The following UBR2 variants were observed in gnomAD, a reference collection of about 807,000 sequenced individuals.
UBR2 encodes ubiquitin protein ligase E3 component n-recognin 2, also known as E3 ubiquitin-protein ligase UBR2.
A neutral mutation model predicts 247.9 loss-of-function variants in UBR2; 92 were observed. The ratio of observed to expected loss-of-function variants is 0.37; its 90% CI spans 0.31 to 0.44. The LOEUF is 0.44. UBR2 is among the 20% of genes least tolerant of loss of function. The probability of loss-of-function intolerance (pLI) is 1.00; values close to 1 mark genes in which losing one functional copy is unlikely to be tolerated. For synonymous variants in UBR2, 672 were observed against 693.5 expected, an observed-to-expected ratio of 0.97 and a Z score of 0.49; for missense variants, 1,613 against 2,112.6, an observed-to-expected ratio of 0.76 and a Z score of 4.64.
At chr6:42,628,829 A>G (rs945838914) in intron 11 of UBR2, among the ~76,000 whole-genome samples, 1 of 151,908 alleles carries the variant, frequency 6.6e-6, no homozygotes, top group Non-Finnish European at 1.5e-5. Context: ...CCTGTATGCT[A>G]TGGCATGTTT....
chr6:42,656,122 T>C (rs916276338), intron 26 of UBR2, among the ~76,000 whole-genome samples: 4 of 152,210 alleles, frequency 2.6e-5, no homozygotes, highest in Admixed American at 1.3e-4. Context: ...AACATTCATA[T>C]ACCTGCTCCC....
At chr6:42,641,910 A>C (rs1562347509) in intron 17 of UBR2, among the ~76,000 whole-genome samples, 1 of 152,242 alleles carries the variant, frequency 6.6e-6, no homozygotes, top group Non-Finnish European at 1.5e-5. Flanking sequence ...CATGACTTTT[A>C]CTTGAAATAA....
intron 2 of UBR2, among the ~76,000 whole-genome samples, chr6:42,581,523 C>T (rs1281551587): frequency 6.6e-6 from 1 of 152,160 alleles, no homozygotes; most frequent in East Asian, 1.9e-4. Flanking sequence ...GACAAGGTCT[C>T]ACTTTGCTGC....
At chr6:42,643,039 A>G (rs1323524106) in intron 18 of UBR2, among the ~76,000 whole-genome samples, 1 of 151,972 alleles carries the variant, frequency 6.6e-6, no homozygotes, top group South Asian at 2.1e-4. Context: ...TTACTTTAGC[A>G]TTACTTCCTC....
In UBR2 at chr6:42,658,823, A is replaced by AG; in HGVS notation, c.3242+1dup. 7.0e-7 allele frequency: 1 copy of AG among 1,420,176 alleles called. No individual in the cohort carries two copies. The highest frequency in any genetic ancestry group is 9.2e-7 in the Non-Finnish European group (1 of 1,090,106). 88.0% of individuals were successfully genotyped at this position (1,420,176 alleles called of 1,614,324 possible). ...CTCAACCTCTGCTGTTCTTGATCAT[A>AG]GGTAAAAAAAAAAAAAAAAAAAATT... On this transcript the variant is annotated frameshift_variant and splice_region_variant, in exon 29 of 47. Coordinates refer to ENST00000372901, the MANE Select transcript of UBR2 (RefSeq NM_001363705.2). LOFTEE classifies it high-confidence loss of function.
At chr6:42,658,900 G>A (rs1398320599) in intron 29 of UBR2, 76 bp downstream of exon 29, 2 of 1,390,822 alleles carry the variant, frequency 1.4e-6, no homozygotes, top group Non-Finnish European at 1.9e-6. Context: ...TTTTCTCCTT[G>A]TAAGTATACT....
chr6:42,605,593 A>G (rs1042719414), intron 5 of UBR2, 128 bp from the exon 6 acceptor site: 21 of 734,334 alleles, frequency 2.9e-5, no homozygotes, highest in Admixed American at 3.3e-5. Context: ...AGGACCACAG[A>G]TGAATTCTTT....
chr6:42,587,226 T>A (rs1279158226), intron 2 of UBR2, among the ~76,000 whole-genome samples: 1 of 152,224 alleles, frequency 6.6e-6, no homozygotes, highest in African/African-American at 2.4e-5. Context: ...AGCATTAATA[T>A]TAACCCACAT....
chr6:42,574,476 A>C (rs1582424612), intron 2 of UBR2, among the ~76,000 whole-genome samples: 1 of 151,824 alleles, frequency 6.6e-6, no homozygotes, highest in Non-Finnish European at 1.5e-5. Context: ...TTCTTTAAAG[A>C]TTTTTCTTTC....
At chr6:42,630,185 C>CT (rs771762360) in intron 11 of UBR2, among the ~76,000 whole-genome samples, 624 of 137,926 alleles carry the variant, frequency 4.5e-3, no homozygotes, top group African/African-American at 0.014. Flanking sequence ...TTATTATTTA[C>CT]TTTTTTTTTT....
In UBR2 at chr6:42,678,538, G is replaced by A; in HGVS notation, c.4479-1G>A. On this transcript the variant is annotated splice_acceptor_variant, in intron 40 of 46. Coordinates refer to ENST00000372901, the MANE Select transcript of UBR2 (RefSeq NM_001363705.2). LOFTEE classifies it high-confidence loss of function. Reference sequence around the variant, plus strand: ...CCAATAATCTTTTTTTTCTTTTTTAGTGCCTTGAAAGAAATACCATCCGGC... The same window carrying A: ...CCAATAATCTTTTTTTTCTTTTTTAATGCCTTGAAAGAAATACCATCCGGC... 6.3e-7 allele frequency: 1 copy of A among 1,596,242 alleles called. No individual in the cohort carries two copies. Among genetic ancestry groups the A allele is most frequent in the Non-Finnish European group, 8.5e-7 (1 of 1,174,916 alleles).
Position 42,692,525 on chromosome 6 carries a change from C to T in UBR2, c.*1352C>T, listed in dbSNP as rs1026472263. ...AATACATGCAGAGAGTGACTGAAGACTTAGTAGAGGAATAAATTCTGAGCC... is the reference window on the plus strand; with the variant it reads ...AATACATGCAGAGAGTGACTGAAGATTTAGTAGAGGAATAAATTCTGAGCC... On this transcript the variant is annotated 3_prime_UTR_variant, in exon 47 of 47. Coordinates refer to ENST00000372901, the MANE Select transcript of UBR2 (RefSeq NM_001363705.2). 3.3e-5 allele frequency: 5 copies of T among 152,156 alleles called. 1 individual carries two copies. The highest frequency in any genetic ancestry group is 3.3e-4 in the Admixed American group (5 of 15,272). 9.4% of individuals were successfully genotyped at this position (152,156 alleles called of 1,614,324 possible).
At chr6:42,685,495 C>T (rs1799330098) in intron 44 of UBR2, among the ~76,000 whole-genome samples, 1 of 147,706 alleles carries the variant, frequency 6.8e-6, no homozygotes, top group African/African-American at 2.5e-5. Flanking sequence ...AGACGAGTCT[C>T]GCTCTGTTGC....
At chr6:42,690,319 G>A (rs1466650849) in intron 46 of UBR2, among the ~76,000 whole-genome samples, 1 of 152,218 alleles carries the variant, frequency 6.6e-6, no homozygotes, top group Non-Finnish European at 1.5e-5. Flanking sequence ...TGCCCCAGGC[G>A]CTGGACTGCG....
chr6:42,670,244 A>G lies in UBR2; in HGVS notation c.4030+4A>G. 1 of 1,612,622 alleles carries G rather than the reference A, an allele frequency of 6.2e-7. No homozygotes were observed. Among genetic ancestry groups the G allele is most frequent in the Non-Finnish European group, 8.5e-7 (1 of 1,178,824 alleles). On this transcript the variant is annotated splice_donor_region_variant and intron_variant, in intron 35 of 46. Coordinates refer to ENST00000372901, the MANE Select transcript of UBR2 (RefSeq NM_001363705.2). ...GCGTACACCATCCAAAGCATAGGTA[A>G]GAGATTTACAGCTGTTTCTCTATAA...
chr6:42,569,023 G>C (rs1418004651), intron 1 of UBR2, among the ~76,000 whole-genome samples: 1 of 152,182 alleles, frequency 6.6e-6, no homozygotes, highest in Non-Finnish European at 1.5e-5. Flanking sequence ...ATTGCCAAAT[G>C]ACATTCCTTT....
intron 7 of UBR2, among the ~76,000 whole-genome samples, chr6:42,609,721 CA>C (rs35337400): frequency 0.026 from 3,656 of 141,834 alleles, 121 homozygotes; most frequent in African/African-American, 0.084. Context: ...CCCATTCCTA[CA>C]AAAAAAAAAA....
intron 4 of UBR2, 61 bp from the exon 5 acceptor site, chr6:42,603,527 A>G (rs113319547): frequency 2.8e-6 from 4 of 1,421,766 alleles, no homozygotes; most frequent in African/African-American, 2.9e-5. Context: ...AAGCAGAATG[A>G]AAATTAATGT....
chr6:42,678,702 A>T (rs375634657), intron 41 of UBR2, 33 bp downstream of exon 41: 14 of 1,594,898 alleles, frequency 8.8e-6, no homozygotes, highest in African/African-American at 1.4e-5. Flanking sequence ...ACGTAGGGAG[A>T]GTTAGTAATC....
Sources: allele counts gnomAD v4.1 joint callset (sites outside exome capture counted in the v4.1 genomes callset), GRCh38; gene constraint gnomAD v4.1.1; transcripts MANE v1.5; gene names NCBI Gene and HGNC (gene_info 2026-07-23, HGNC 2026-07-21).